COL26A1: variants seen among roughly 807,000 people sequenced by gnomAD.
COL26A1 encodes the protein collagen type XXVI alpha 1 chain.
COL26A1 carries 41 observed loss-of-function variants against 59.3 expected under a neutral mutation model. The observed-to-expected ratio is 0.69, with a 90% CI of 0.54 to 0.90. COL26A1 has a LOEUF of 0.90. COL26A1 is among the 40% of genes least tolerant of loss of function. The pLI is 0.00. For missense variants in COL26A1, 612 were observed against 602.3 expected, an observed-to-expected ratio of 1.02 and a Z score of -0.17; for synonymous variants, 266 against 256.0, an observed-to-expected ratio of 1.04 and a Z score of -0.37.
chr7:101,549,108 G>C (rs1795805575), intron 8 of COL26A1, 63 bp from the exon 9 acceptor site: 2 of 824,696 alleles, frequency 2.4e-6, no homozygotes, highest in Non-Finnish European at 3.9e-6. Flanking sequence ...ACAGGTGCTG[G>C]GGTGGGAGGC....
chr7:101,362,898 C>T lies in COL26A1; in HGVS notation c.-135C>T. ...GCGCCCCCCACACATTTCCAGCTCG[C>T]ACCCGGGCTCCGACCGCTCGCCCCG... is the stretch of plus-strand genomic sequence containing the variant. On this transcript the variant is annotated 5_prime_UTR_variant, in exon 1 of 13. Transcript: ENST00000313669. The T allele has an allele frequency of 1.1e-6, 1 of 892,014 alleles. No homozygotes were observed. The highest frequency in any genetic ancestry group is 1.6e-6 in the Non-Finnish European group (1 of 625,676). 55.3% of individuals were successfully genotyped at this position (892,014 alleles called of 1,614,324 possible).
At chr7:101,529,099 A>G (rs1451251633) in intron 3 of COL26A1, among the ~76,000 whole-genome samples, 1 of 151,988 alleles carries the variant, frequency 6.6e-6, no homozygotes, top group Non-Finnish European at 1.5e-5. Context: ...CCCGGTGGCA[A>G]AGGTTACAGT....
intron 1 of COL26A1, among the ~76,000 whole-genome samples, chr7:101,386,639 C>T (rs1791583684): frequency 6.6e-6 from 1 of 152,084 alleles, no homozygotes; most frequent in Non-Finnish European, 1.5e-5. Flanking sequence ...TAAAACAATC[C>T]CTTATTGAAT....
chr7:101,401,935 C>T (rs73179278), intron 1 of COL26A1, among the ~76,000 whole-genome samples: 3,651 of 152,108 alleles, frequency 0.024, 85 homozygotes, highest in South Asian at 0.091. Flanking sequence ...ACGTGAACTG[C>T]CAAAAATTCC....
chr7:101,468,301 C>CAA (rs35048256), intron 3 of COL26A1, among the ~76,000 whole-genome samples: 4 of 136,740 alleles, frequency 2.9e-5, no homozygotes, highest in African/African-American at 1.1e-4. Context: ...GACTCAGTCT[C>CAA]AAAAAAAAAA....
chr7:101,545,620 A>C, intron 7 of COL26A1, 130 bp downstream of exon 7: 1 of 954,378 alleles, frequency 1.0e-6, no homozygotes, highest in Non-Finnish European at 1.5e-6. Flanking sequence ...CAACTGGCTC[A>C]CTCCTGCAGG....
chr7:101,524,644 T>C (rs1449760376), intron 3 of COL26A1, among the ~76,000 whole-genome samples: 1 of 152,242 alleles, frequency 6.6e-6, no homozygotes, highest in African/African-American at 2.4e-5. Context: ...TGGTGTTTTA[T>C]AGTTTTCAGG....
chr7:101,525,657 C>T (rs1024795265), intron 3 of COL26A1, among the ~76,000 whole-genome samples: 4 of 151,208 alleles, frequency 2.6e-5, no homozygotes, highest in South Asian at 2.1e-4. Flanking sequence ...CCATCACGCC[C>T]GGCTAATTTT....
intron 3 of COL26A1, among the ~76,000 whole-genome samples, chr7:101,507,572 C>G (rs190781259): frequency 5.0e-4 from 76 of 152,224 alleles, no homozygotes; most frequent in African/African-American, 1.8e-3. Context: ...CAGGCACACG[C>G]CACCATGCCT....
chr7:101,402,285 T>A (rs1792026021), intron 1 of COL26A1, among the ~76,000 whole-genome samples: 1 of 152,100 alleles, frequency 6.6e-6, no homozygotes, highest in Admixed American at 6.6e-5. Context: ...CCTTAGATTC[T>A]TATCAGGGAT....
At chr7:101,511,502 G>A (rs1008700846) in intron 3 of COL26A1, among the ~76,000 whole-genome samples, 8 of 152,190 alleles carry the variant, frequency 5.3e-5, no homozygotes, top group East Asian at 1.9e-4. Flanking sequence ...AAGAAAAGGC[G>A]GCTCAGAGCC....
chr7:101,497,980 T>C (rs1259981022), intron 3 of COL26A1, among the ~76,000 whole-genome samples: 2 of 152,150 alleles, frequency 1.3e-5, no homozygotes, highest in Non-Finnish European at 2.9e-5. Context: ...CGAGACCCTA[T>C]ATTCATGAGT....
At chr7:101,469,732 C>T (rs543586778) in intron 3 of COL26A1, among the ~76,000 whole-genome samples, 11 of 152,148 alleles carry the variant, frequency 7.2e-5, no homozygotes, top group African/African-American at 1.9e-4. Flanking sequence ...TCAAGTGATC[C>T]GCCCACCTCA....
intron 1 of COL26A1, among the ~76,000 whole-genome samples, chr7:101,393,304 A>G (rs1243379942): frequency 6.6e-6 from 1 of 152,200 alleles, no homozygotes; most frequent in African/African-American, 2.4e-5. Context: ...AGGTCTCACA[A>G]TAGGCCATCT....
intron 3 of COL26A1, among the ~76,000 whole-genome samples, chr7:101,509,497 C>T (rs1275940307): frequency 6.6e-6 from 1 of 152,144 alleles, no homozygotes. Flanking sequence ...GATTCCCTCC[C>T]TCCTCCTTGC....
At position 101,551,220 on chromosome 7, in the gene COL26A1, C is replaced by T. The variant is rs57958534; in HGVS notation, c.1029+77C>T. 25 of 114,432 alleles carry T rather than the reference C, an allele frequency of 2.2e-4. No homozygotes were observed. In the East Asian group the frequency reaches 6.7e-3, roughly 31 times the overall value. The allele number at this position is 114,432 out of a possible 1,614,324, so 7.1% of individuals were successfully genotyped here. ...GATGCAAGCCCAGGGCACTGGGTGGCGGGGGTTGGTGGGGGGGTTCAGCCC... is the reference window on the plus strand; with the variant it reads ...GATGCAAGCCCAGGGCACTGGGTGGTGGGGGTTGGTGGGGGGGTTCAGCCC... On this transcript the variant is annotated intron_variant, in intron 10 of 12. Transcript: ENST00000313669.
intron 3 of COL26A1, among the ~76,000 whole-genome samples, chr7:101,499,895 A>C (rs1220550939): frequency 1.5e-5 from 2 of 130,884 alleles, no homozygotes; most frequent in East Asian, 4.0e-4. Context: ...AAAAAAAAAA[A>C]ACACCTTTGT....
chr7:101,369,995 T>C (rs1406836864), intron 1 of COL26A1, among the ~76,000 whole-genome samples: 1 of 152,050 alleles, frequency 6.6e-6, no homozygotes, highest in Non-Finnish European at 1.5e-5. Flanking sequence ...CCGTAGTAGC[T>C]GGGATTACAG....
intron 1 of COL26A1, among the ~76,000 whole-genome samples, chr7:101,375,530 T>C (rs1003710777): frequency 6.6e-6 from 1 of 151,362 alleles, no homozygotes; most frequent in Non-Finnish European, 1.5e-5. Context: ...ATCCCCTGTC[T>C]ACAAAAAAAT....
Sources: allele counts gnomAD v4.1 joint callset (sites outside exome capture counted in the v4.1 genomes callset), GRCh38; gene constraint gnomAD v4.1.1; transcripts MANE v1.5; gene names NCBI Gene and HGNC (gene_info 2026-07-23, HGNC 2026-07-21).